The following PTPRM variants were observed in gnomAD, a reference collection of about 807,000 sequenced individuals.
PTPRM encodes receptor-type tyrosine-protein phosphatase mu.
In PTPRM, 47 loss-of-function variants were observed where a neutral mutation model predicts 186.7. That is an observed-to-expected ratio of 0.25 (90% CI 0.20 to 0.32). PTPRM has a LOEUF of 0.32. Among genes scored for constraint, PTPRM ranks in the 10% least tolerant of loss-of-function variants. The probability of loss-of-function intolerance (pLI) is 1.00; values close to 1 mark genes in which losing one functional copy is unlikely to be tolerated. For synonymous variants in PTPRM, 668 were observed against 674.9 expected, an observed-to-expected ratio of 0.99 and a Z score of 0.16; for missense variants, 1,494 against 1,865.0, an observed-to-expected ratio of 0.80 and a Z score of 3.66.
At chr18:8,281,153 T>C (rs979324331) in intron 19 of PTPRM, among the ~76,000 whole-genome samples, 4 of 152,206 alleles carry the variant, frequency 2.6e-5, no homozygotes, top group African/African-American at 9.6e-5. Flanking sequence ...GCAGCGGGCG[T>C]AGAAGCCAGA....
intron 32 of PTPRM, among the ~76,000 whole-genome samples, chr18:8,400,599 C>T (rs192803397): frequency 1.3e-5 from 2 of 152,266 alleles, no homozygotes; most frequent in East Asian, 1.9e-4. Flanking sequence ...GTTCACAGCT[C>T]GCCGCCCCCT....
chr18:8,007,444 T>C lies in PTPRM; in HGVS notation c.1132+52030T>C, dbSNP rs145871091. On this transcript the variant is annotated intron_variant, in intron 7 of 32. Coordinates refer to ENST00000580170, the MANE Select transcript of PTPRM (RefSeq NM_001105244.2). The stretch of plus-strand genomic sequence containing the variant: ...CTAAAGCCCTTTACAAATTACAAAG[T>C]GTTGCAAGTTATTTTTATGATTAGG... Among the ~76,000 whole-genome samples the C allele has an allele frequency of 2.1e-3, 324 of 152,080 alleles. 4 individuals are homozygous for C. Among genetic ancestry groups the C allele is most frequent in the African/African-American group, 7.5e-3 (309 of 41,462 alleles).
chr18:8,094,022 C>T (rs920530790), intron 11 of PTPRM, among the ~76,000 whole-genome samples: 3 of 152,098 alleles, frequency 2.0e-5, no homozygotes, highest in Non-Finnish European at 4.4e-5. Flanking sequence ...CCCCAGATTC[C>T]AGAATTTGTT....
chr18:8,397,019 A>G (rs1471276367), intron 32 of PTPRM, among the ~76,000 whole-genome samples: 1 of 152,254 alleles, frequency 6.6e-6, no homozygotes, highest in African/African-American at 2.4e-5. Flanking sequence ...ATCACAGGCC[A>G]TCTGAGGCCT....
Position 7,741,291 on chromosome 18 carries a change from G to C in PTPRM, c.74-32858G>C, listed in dbSNP as rs576311625. On this transcript the variant is annotated intron_variant, in intron 1 of 32. Transcript: ENST00000580170. ...GTGCACAGGTGGGCATTGCTCCTGA[G>C]AATGCAAGGTGGTAGGCGGCCACCT... 6 of 152,318 alleles carry C rather than the reference G, an allele frequency of 3.9e-5. No individual in the cohort carries two copies. The South Asian group carries it at 6.2e-4, about 16-fold the overall frequency. The allele number at this position is 152,318 out of a possible 1,614,324, so 9.4% of individuals were successfully genotyped here.
At chr18:8,227,866 T>C (rs1458432776) in intron 14 of PTPRM, among the ~76,000 whole-genome samples, 3 of 152,232 alleles carry the variant, frequency 2.0e-5, no homozygotes, top group Non-Finnish European at 2.9e-5. Flanking sequence ...CTATCACTAA[T>C]GTCACTTGAT....
chr18:7,704,110 T>G (rs1374558107), intron 1 of PTPRM, among the ~76,000 whole-genome samples: 2 of 152,240 alleles, frequency 1.3e-5, no homozygotes, highest in Non-Finnish European at 2.9e-5. Flanking sequence ...TCGACGTTCA[T>G]CAGGCATATT....
intron 2 of PTPRM, among the ~76,000 whole-genome samples, chr18:7,861,828 G>C (rs2047399924): frequency 6.6e-6 from 1 of 151,962 alleles, no homozygotes. Context: ...TGCTAATATA[G>C]ACAAGCAGTA....
intron 7 of PTPRM, among the ~76,000 whole-genome samples, chr18:8,065,120 C>A (rs2088959522): frequency 6.6e-6 from 1 of 152,152 alleles, no homozygotes; most frequent in African/African-American, 2.4e-5. Context: ...ACCCAAATAT[C>A]TCTCACAGGT....
chr18:8,055,722 T>C (rs1337659087), intron 7 of PTPRM, among the ~76,000 whole-genome samples: 1 of 152,216 alleles, frequency 6.6e-6, no homozygotes, highest in Non-Finnish European at 1.5e-5. Flanking sequence ...TGGGCTTTAT[T>C]TGTGAAAGTA....
intron 1 of PTPRM, among the ~76,000 whole-genome samples, chr18:7,723,850 C>T (rs1028391549): frequency 1.3e-5 from 2 of 152,164 alleles, no homozygotes; most frequent in Non-Finnish European, 1.5e-5. Flanking sequence ...TTCCTATACT[C>T]CCTGCATTTC....
chr18:7,723,058 C>G (rs1266678119), intron 1 of PTPRM, among the ~76,000 whole-genome samples: 1 of 152,134 alleles, frequency 6.6e-6, no homozygotes, highest in African/African-American at 2.4e-5. Context: ...GTTTGAAGAC[C>G]GCCTTTCTAA....
At chr18:7,690,934 G>GT (rs967053529) in intron 1 of PTPRM, among the ~76,000 whole-genome samples, 3 of 152,004 alleles carry the variant, frequency 2.0e-5, no homozygotes, top group African/African-American at 4.8e-5. Flanking sequence ...AGTTCTTTGG[G>GT]TTTTTTTGGA....
At chr18:8,393,938 G>A (rs1190090222) in intron 31 of PTPRM, among the ~76,000 whole-genome samples, 4 of 151,898 alleles carry the variant, frequency 2.6e-5, no homozygotes, top group African/African-American at 7.3e-5. Context: ...ACAAGCACCC[G>A]CCACCACGCC....
chr18:8,275,325 G>A (rs969479961), intron 19 of PTPRM, among the ~76,000 whole-genome samples: 1 of 152,120 alleles, frequency 6.6e-6, no homozygotes, highest in Non-Finnish European at 1.5e-5. Context: ...TGCACCTGTG[G>A]TTCCAGCTAC....
At chr18:8,307,210 G>A (rs1669732764) in intron 20 of PTPRM, among the ~76,000 whole-genome samples, 2 of 152,132 alleles carry the variant, frequency 1.3e-5, no homozygotes, top group African/African-American at 4.8e-5. Context: ...TGTGAGTGAT[G>A]GTGATACTTA....
intron 2 of PTPRM, among the ~76,000 whole-genome samples, chr18:7,840,920 A>AT (rs1222343477): frequency 2.0e-5 from 3 of 152,326 alleles, no homozygotes; most frequent in African/African-American, 7.2e-5. Flanking sequence ...GGCTTCACTT[A>AT]TTTTTTGTGT....
intron 2 of PTPRM, among the ~76,000 whole-genome samples, chr18:7,880,660 G>T (rs1213546733): frequency 6.6e-6 from 1 of 152,220 alleles, no homozygotes; most frequent in Non-Finnish European, 1.5e-5. Context: ...CAGAGGCTTT[G>T]TTCCCTTTGA....
chr18:7,575,089 ATGT>A (rs2036656263), intron 1 of PTPRM, among the ~76,000 whole-genome samples: 1 of 152,252 alleles, frequency 6.6e-6, no homozygotes, highest in South Asian at 2.1e-4. Context: ...AGTACTGACA[ATGT>A]GTATCCTAAA....
Sources: allele counts gnomAD v4.1 joint callset (sites outside exome capture counted in the v4.1 genomes callset), GRCh38; gene constraint gnomAD v4.1.1; transcripts MANE v1.5; gene names NCBI Gene and HGNC (gene_info 2026-07-23, HGNC 2026-07-21).